The following MNAT1 variants were observed in gnomAD, a reference collection of about 807,000 sequenced individuals.
MNAT1 encodes CDK-activating kinase assembly factor MAT1.
Under a neutral mutation model 42.0 loss-of-function variants are expected in MNAT1, and 43 were observed. The ratio of observed to expected loss-of-function variants is 1.02; its 90% CI spans 0.80 to 1.32. The LOEUF (loss-of-function observed/expected upper bound fraction) is 1.32, where lower values mean the gene tolerates loss of function less well. Ranked by LOEUF, MNAT1 falls within the 40% of genes most tolerant of loss-of-function variation. The pLI, the probability that MNAT1 is intolerant of heterozygous loss-of-function variation, is 0.00. For missense variants in MNAT1, 306 were observed against 350.4 expected, an observed-to-expected ratio of 0.87 and a Z score of 1.01; for synonymous variants, 118 against 120.0, an observed-to-expected ratio of 0.98 and a Z score of 0.11.
At chr14:60,952,434 G>C (rs2036400861) in intron 7 of MNAT1, among the ~76,000 whole-genome samples, 2 of 152,182 alleles carry the variant, frequency 1.3e-5, no homozygotes, top group South Asian at 4.1e-4. Context: ...TCAATTAAGA[G>C]ACTATTCACA....
chr14:60,869,536 G>A (rs1270814485), intron 6 of MNAT1, among the ~76,000 whole-genome samples: 3 of 152,078 alleles, frequency 2.0e-5, no homozygotes, highest in African/African-American at 7.2e-5. Context: ...ATATGTTGAA[G>A]ATGAGGGTAG....
rs909370962 is a variant in MNAT1, at chr14:60,969,730, A to T, written c.*1381A>T. ...AATCTGTTCAAAGAATAGTTAGAACATTGAATGTAGAGTTAAGGCTTTGCA... is the reference window on the plus strand; with the variant it reads ...AATCTGTTCAAAGAATAGTTAGAACTTTGAATGTAGAGTTAAGGCTTTGCA... On this transcript the variant is annotated 3_prime_UTR_variant, in exon 8 of 8. Transcript: ENST00000261245. The T allele has an allele frequency of 1.3e-5, 2 of 152,218 alleles. No individual in the cohort carries two copies. Among genetic ancestry groups the T allele is most frequent in the African/African-American group, 4.8e-5 (2 of 41,462 alleles). The allele number at this position is 152,218 out of a possible 1,614,324, so 9.4% of individuals were successfully genotyped here. A position where few individuals can be genotyped will look rare whatever the true frequency, so the allele number is the denominator to read the frequency against.
At chr14:60,908,491 G>A in intron 7 of MNAT1, among the ~76,000 whole-genome samples, 1 of 138,808 alleles carries the variant, frequency 7.2e-6, no homozygotes, top group Non-Finnish European at 1.5e-5. Flanking sequence ...CCCCACAACA[G>A]GCCCCGGTGT....
intron 1 of MNAT1, among the ~76,000 whole-genome samples, chr14:60,758,246 G>T (rs1594729498): frequency 1.4e-5 from 2 of 141,746 alleles, no homozygotes; most frequent in Non-Finnish European, 1.5e-5. Flanking sequence ...TTGCTTTGTT[G>T]CCCAGGTGAG....
rs569920224 is a variant in MNAT1, at chr14:60,816,703, T to A, written c.562-2019T>A. ...TGCATGTTAGATATTCCCCAGAGCA[T>A]GCATGTTTCACATAGTTTATTTTAC... On this transcript the variant is annotated intron_variant, in intron 5 of 7. Transcript: ENST00000261245. Among the ~76,000 whole-genome samples the A allele has an allele frequency of 6.8e-4, 103 of 152,192 alleles. 1 individual carries two copies. Among genetic ancestry groups the A allele is most frequent in the African/African-American group, 2.5e-3 (102 of 41,586 alleles).
At chr14:60,935,459 A>G (rs1024364464) in intron 7 of MNAT1, among the ~76,000 whole-genome samples, 1 of 152,108 alleles carries the variant, frequency 6.6e-6, no homozygotes, top group African/African-American at 2.4e-5. Context: ...ACTGTTGCTT[A>G]TTCATTTTCC....
intron 6 of MNAT1, among the ~76,000 whole-genome samples, chr14:60,868,205 A>G (rs2034247884): frequency 6.6e-6 from 1 of 152,210 alleles, no homozygotes; most frequent in Admixed American, 6.5e-5. Flanking sequence ...ATATATTCAC[A>G]TCCATATACA....
In MNAT1 at chr14:60,791,466, T is replaced by C. The variant is rs529036055; in HGVS notation, c.90-4751T>C. 4.6e-5 allele frequency among the ~76,000 whole-genome samples: 7 copies of C among 152,286 alleles called. No homozygotes were observed. In the South Asian group the frequency reaches 1.4e-3, roughly 32 times the overall value. ...ATTTTTTCTCAGGATTTGGAATACA[T>C]AGATTCTGAGTTCCCTTTTAGGTAT... is the stretch of plus-strand genomic sequence containing the variant. On this transcript the variant is annotated intron_variant, in intron 1 of 7. Transcript: ENST00000261245.
At chr14:60,875,482 T>C (rs1256151941) in intron 6 of MNAT1, among the ~76,000 whole-genome samples, 1 of 152,130 alleles carries the variant, frequency 6.6e-6, no homozygotes, top group Non-Finnish European at 1.5e-5. Flanking sequence ...TCTTGCTCAG[T>C]CACAATATCT....
chr14:60,953,037 G>A (rs915331526), intron 7 of MNAT1, among the ~76,000 whole-genome samples: 1 of 151,868 alleles, frequency 6.6e-6, no homozygotes, highest in African/African-American at 2.4e-5. Flanking sequence ...ATGTTGAGGA[G>A]GATGAGGTCC....
chr14:60,860,649 G>A (rs928207132), intron 6 of MNAT1, among the ~76,000 whole-genome samples: 4 of 152,034 alleles, frequency 2.6e-5, no homozygotes, highest in African/African-American at 9.7e-5. Context: ...ACCATGCCCA[G>A]CTGAGACTTT....
intron 7 of MNAT1, among the ~76,000 whole-genome samples, chr14:60,880,427 C>T (rs949289166): frequency 3.3e-5 from 5 of 151,934 alleles, no homozygotes; most frequent in African/African-American, 7.3e-5. Context: ...ACTTGAAAAG[C>T]GCAGGCACAG....
At chr14:60,835,968 C>A (rs1382902661) in intron 6 of MNAT1, among the ~76,000 whole-genome samples, 1 of 152,094 alleles carries the variant, frequency 6.6e-6, no homozygotes, top group African/African-American at 2.4e-5. Context: ...CGTCTTCACA[C>A]TTTGTTTCAT....
chr14:60,911,174 CCT>C (rs2035348271), intron 7 of MNAT1, among the ~76,000 whole-genome samples: 1 of 151,884 alleles, frequency 6.6e-6, no homozygotes, highest in Admixed American at 6.6e-5. Flanking sequence ...GGTGATATCC[CCT>C]TTGTCATTTT....
chr14:60,871,677 C>T (rs2034326646), intron 6 of MNAT1, among the ~76,000 whole-genome samples: 1 of 151,664 alleles, frequency 6.6e-6, no homozygotes, highest in African/African-American at 2.4e-5. Context: ...GGATGGAGTG[C>T]AATGGTGCGA....
intron 3 of MNAT1, among the ~76,000 whole-genome samples, chr14:60,805,166 T>A (rs956414517): frequency 6.6e-6 from 1 of 152,172 alleles, no homozygotes; most frequent in African/African-American, 2.4e-5. Flanking sequence ...TTTTCTCTCA[T>A]GATAATTCAA....
intron 3 of MNAT1, among the ~76,000 whole-genome samples, chr14:60,801,723 G>A (rs1566771805): frequency 6.6e-6 from 1 of 152,134 alleles, no homozygotes; most frequent in Non-Finnish European, 1.5e-5. Flanking sequence ...GTATGCTGTT[G>A]GTGGGAATGT....
Position 60,769,586 on chromosome 14 carries a change from G to A in MNAT1, c.90-26631G>A, listed in dbSNP as rs146036950. Reference sequence around the variant, plus strand: ...GGTGTGAGCCACTGCACCTGGCTAAGAATTATTTTACTGTGGTAAAAAACA... The same window carrying A: ...GGTGTGAGCCACTGCACCTGGCTAAAAATTATTTTACTGTGGTAAAAAACA... On this transcript the variant is annotated intron_variant, in intron 1 of 7. Transcript: ENST00000261245. 1.2e-3 allele frequency among the ~76,000 whole-genome samples: 182 copies of A among 152,074 alleles called. 1 individual carries two copies. Among genetic ancestry groups the A allele is most frequent in the African/African-American group, 4.2e-3 (174 of 41,484 alleles).
intron 7 of MNAT1, among the ~76,000 whole-genome samples, chr14:60,931,484 C>T (rs1301276569): frequency 6.6e-6 from 1 of 152,172 alleles, no homozygotes; most frequent in African/African-American, 2.4e-5. Flanking sequence ...TTCTGATTCA[C>T]CACTACCACT....
Sources: gnomAD v4.1 joint callset for allele counts (sites outside exome capture counted in the v4.1 genomes callset) on GRCh38, gnomAD v4.1.1 for gene constraint, MANE v1.5 for transcripts, NCBI Gene and HGNC (gene_info 2026-07-23, HGNC 2026-07-21) for gene names.